GNAO1: variants seen among roughly 807,000 people sequenced by gnomAD.
GNAO1 encodes the protein guanine nucleotide-binding protein G(o) subunit alpha.
For missense variants in GNAO1, 166 were observed against 478.7 expected, an observed-to-expected ratio of 0.35 and a Z score of 6.10; for synonymous variants, 164 against 180.7, an observed-to-expected ratio of 0.91 and a Z score of 0.74.
chr16:56,207,047 A>G (rs1415626094), intron 2 of GNAO1, among the ~76,000 whole-genome samples: 3 of 152,208 alleles, frequency 2.0e-5, no homozygotes, highest in African/African-American at 7.2e-5. Flanking sequence ...TACTCTCCTT[A>G]CATTTAAGTA....
At chr16:56,303,253 C>T (rs1256236056) in intron 3 of GNAO1, among the ~76,000 whole-genome samples, 2 of 152,154 alleles carry the variant, frequency 1.3e-5, no homozygotes, top group Non-Finnish European at 2.9e-5. Flanking sequence ...AGACATCACT[C>T]CTGCCCCAGA....
intron 2 of GNAO1, among the ~76,000 whole-genome samples, chr16:56,273,467 A>G (rs2037035625): frequency 6.6e-6 from 1 of 152,196 alleles, no homozygotes; most frequent in South Asian, 2.1e-4. Flanking sequence ...TAAAATTCTT[A>G]TTAATTCCAT....
intron 2 of GNAO1, among the ~76,000 whole-genome samples, chr16:56,247,955 G>A (rs1368055637): frequency 3.9e-5 from 6 of 152,164 alleles, no homozygotes; most frequent in African/African-American, 1.4e-4. Context: ...CACACACATT[G>A]GTTGAGGATT....
chr16:56,348,495 G>A (rs2037893702), intron 6 of GNAO1, among the ~76,000 whole-genome samples: 2 of 152,266 alleles, frequency 1.3e-5, no homozygotes, highest in South Asian at 4.1e-4. Flanking sequence ...GGTTGCGCTG[G>A]CACTGCTTCC....
intron 7 of GNAO1, chr16:56,352,585 GCTCAGT>G (rs1210294262): frequency 6.6e-6 from 1 of 152,272 alleles, no homozygotes; most frequent in East Asian, 1.9e-4. Context: ...TTGGGCATGG[GCTCAGT>G]CTCAGGGCCA....
At chr16:56,340,823 C>T (rs752407324) in intron 6 of GNAO1, 1 of 1,612,354 alleles carries the variant, frequency 6.2e-7, no homozygotes. Flanking sequence ...CACCCCTCCA[C>T]TCTGTTGCAG....
At position 56,354,331 on chromosome 16, in the gene GNAO1, T is replaced by C. The variant is rs543697822; in HGVS notation, c.878-535T>C. Among the ~76,000 whole-genome samples the C allele has an allele frequency of 6.7e-6, 1 of 149,906 alleles. No homozygotes were observed. Among genetic ancestry groups the C allele is most frequent in the South Asian group, 2.2e-4 (1 of 4,646 alleles). ...TCCAAAGCCAGGCAAATGCTCAGCC[T>C]GTGTATGGTTGGTGCAAAAGTAATT... On this transcript the variant is annotated intron_variant, in intron 7 of 8. Transcript: ENST00000262493. The surrounding 1 kb of genome is among the most constrained non-coding windows in gnomAD (Gnocchi z 4.3).
At chr16:56,196,148 G>A (rs1369446544) in intron 2 of GNAO1, among the ~76,000 whole-genome samples, 2 of 151,868 alleles carry the variant, frequency 1.3e-5, no homozygotes, top group Non-Finnish European at 2.9e-5. Context: ...CCCCCCCCTT[G>A]TGTGTGTGAT....
At chr16:56,329,533 G>A (rs1014606566) in intron 4 of GNAO1, among the ~76,000 whole-genome samples, 38 of 152,236 alleles carry the variant, frequency 2.5e-4, no homozygotes, top group African/African-American at 8.4e-4. Flanking sequence ...CACTGCTTCC[G>A]TGCCCTTGGC....
chr16:56,261,529 T>C (rs776753223), intron 2 of GNAO1, among the ~76,000 whole-genome samples: 1 of 152,040 alleles, frequency 6.6e-6, no homozygotes, highest in Non-Finnish European at 1.5e-5. Context: ...AAGGGAAAAA[T>C]CAAGAGCCTA....
chr16:56,343,665 C>T, intron 6 of GNAO1: 1 of 946,804 alleles, frequency 1.1e-6, no homozygotes, highest in Non-Finnish European at 1.6e-6. Context: ...TCTGAGAGGC[C>T]CAAGGCCGGA....
intron 2 of GNAO1, among the ~76,000 whole-genome samples, chr16:56,235,546 A>AT (rs1197031795): frequency 6.6e-6 from 1 of 152,164 alleles, no homozygotes; most frequent in Non-Finnish European, 1.5e-5. Context: ...CAGTCTGACA[A>AT]TTGTTCCTAA....
chr16:56,256,223 C>T (rs2143469061), intron 2 of GNAO1, among the ~76,000 whole-genome samples: 1 of 152,306 alleles, frequency 6.6e-6, no homozygotes, highest in Middle Eastern at 3.4e-3. Flanking sequence ...CCAGTCTACT[C>T]CTGAGACATC....
At chr16:56,291,991 G>A (rs1236693703) in intron 3 of GNAO1, among the ~76,000 whole-genome samples, 2 of 152,134 alleles carry the variant, frequency 1.3e-5, no homozygotes, top group African/African-American at 4.8e-5. Context: ...AATTGTGGAC[G>A]GACACAGATA....
intron 2 of GNAO1, among the ~76,000 whole-genome samples, chr16:56,200,723 G>T (rs2036275251): frequency 6.6e-6 from 1 of 152,226 alleles, no homozygotes; most frequent in Non-Finnish European, 1.5e-5. Flanking sequence ...GCCAGCTGTG[G>T]TTGAGGTCAG....
At chr16:56,264,003 T>C (rs1307118935) in intron 2 of GNAO1, among the ~76,000 whole-genome samples, 3 of 152,080 alleles carry the variant, frequency 2.0e-5, no homozygotes, top group Non-Finnish European at 4.4e-5. Flanking sequence ...CACACAGGCA[T>C]GAAAAAGGCA....
intron 4 of GNAO1, among the ~76,000 whole-genome samples, chr16:56,332,809 G>A (rs1226556554): frequency 6.6e-6 from 1 of 152,264 alleles, no homozygotes; most frequent in African/African-American, 2.4e-5. Flanking sequence ...GGAAGAGCAG[G>A]ACCAAACGCT....
At chr16:56,316,726 A>C (rs1271048187) in intron 3 of GNAO1, among the ~76,000 whole-genome samples, 1 of 152,074 alleles carries the variant, frequency 6.6e-6, no homozygotes, top group African/African-American at 2.4e-5. Context: ...TGACGCCCCT[A>C]GTGGACTGCA....
At chr16:56,318,467 T>G (rs375681703) in intron 3 of GNAO1, among the ~76,000 whole-genome samples, 1 of 152,030 alleles carries the variant, frequency 6.6e-6, no homozygotes, top group East Asian at 1.9e-4. Flanking sequence ...TCACGCTCCC[T>G]CTCCCATTGG....
Sources: gnomAD v4.1 joint callset for allele counts (sites outside exome capture counted in the v4.1 genomes callset) on GRCh38, gnomAD v4.1.1 for gene constraint, Gnocchi (gnomAD v3.1) non-coding constraint, MANE v1.5 for transcripts, NCBI Gene and HGNC (gene_info 2026-07-23, HGNC 2026-07-21) for gene names.